The following DTNA variants were observed in gnomAD, a reference collection of about 807,000 sequenced individuals.
The protein encoded by DTNA is dystrobrevin alpha.
Under a neutral mutation model 100.7 loss-of-function variants are expected in DTNA, and 43 were observed. The ratio of observed to expected loss-of-function variants is 0.43; its 90% CI spans 0.33 to 0.55. DTNA has a LOEUF of 0.55. DTNA is among the 20% of genes least tolerant of loss of function. The pLI is 0.04. For synonymous variants in DTNA, 349 were observed against 347.9 expected (o/e 1.00, Z -0.04); for missense variants, 798 against 953.9 (o/e 0.84, Z 2.15).
At chr18:34,554,586 G>T (rs1280579295) in intron 1 of DTNA, among the ~76,000 whole-genome samples, 29 of 139,452 alleles carry the variant, frequency 2.1e-4, no homozygotes, top group African/African-American at 8.8e-4. Context: ...TAGCATGAAG[G>T]GTTGTTGAAT....
chr18:34,653,908 A>G (rs1396287371), intron 1 of DTNA, among the ~76,000 whole-genome samples: 3 of 152,228 alleles, frequency 2.0e-5, no homozygotes, highest in African/African-American at 7.2e-5. Context: ...TTGGAGACTC[A>G]CAATACAGTA....
intron 1 of DTNA, among the ~76,000 whole-genome samples, chr18:34,498,889 T>C (rs764616644): frequency 8.5e-5 from 13 of 152,222 alleles, no homozygotes; most frequent in Non-Finnish European, 1.3e-4. Flanking sequence ...AATTAGAATA[T>C]ATTCAATCAA....
In DTNA at chr18:34,827,644, T is replaced by C. The variant is rs1402541292; in HGVS notation, c.1053T>C (p.Val351=). The change falls in exon 10 of 23, where the codon GTT becomes GTC. Residue 351 remains valine (V), a synonymous_variant. Coordinates refer to ENST00000444659, the MANE Select transcript of DTNA (RefSeq NM_001386795.1). ...SMNDTLFSHS[V]PSSGSPFITR... Reference sequence around the variant, plus strand: ...ACGACACCCTGTTCTCCCACTCTGTTCCCTCCTCAGGAAGTCCTTTTATTA... The same window carrying C: ...ACGACACCCTGTTCTCCCACTCTGTCCCCTCCTCAGGAAGTCCTTTTATTA... 1 of 1,613,830 alleles carries C rather than the reference T, an allele frequency of 6.2e-7. No homozygotes were observed. The highest frequency in any genetic ancestry group is 8.5e-7 in the Non-Finnish European group (1 of 1,179,860).
intron 1 of DTNA, among the ~76,000 whole-genome samples, chr18:34,601,993 T>A (rs2051957769): frequency 6.6e-6 from 1 of 152,232 alleles, no homozygotes; most frequent in Admixed American, 6.5e-5. Context: ...ACAATTCTAA[T>A]CCTCAGCCCC....
At chr18:34,753,757 C>T (rs1420331471) in intron 1 of DTNA, among the ~76,000 whole-genome samples, 3 of 152,160 alleles carry the variant, frequency 2.0e-5, no homozygotes, top group Admixed American at 2.0e-4. Flanking sequence ...GTTCTATCCT[C>T]TATCTCTCTT....
intron 1 of DTNA, among the ~76,000 whole-genome samples, chr18:34,521,495 A>G (rs2145223623): frequency 6.6e-6 from 1 of 152,276 alleles, no homozygotes; most frequent in Non-Finnish European, 1.5e-5. Flanking sequence ...ATGTCCCATC[A>G]CACTTAGGTT....
intron 1 of DTNA, among the ~76,000 whole-genome samples, chr18:34,587,603 C>T (rs1567958908): frequency 6.6e-6 from 1 of 152,092 alleles, no homozygotes; most frequent in Non-Finnish European, 1.5e-5. Flanking sequence ...AAGTTGACAA[C>T]AACTCTTTGA....
intron 1 of DTNA, among the ~76,000 whole-genome samples, chr18:34,588,442 C>T (rs573920625): frequency 2.0e-5 from 3 of 152,274 alleles, no homozygotes; most frequent in African/African-American, 7.2e-5. Flanking sequence ...CTCTCGTTCT[C>T]ACCATCTTAA....
At chr18:34,650,388 TGTGA>T (rs1390558834) in intron 1 of DTNA, among the ~76,000 whole-genome samples, 5 of 152,006 alleles carry the variant, frequency 3.3e-5, no homozygotes, top group Admixed American at 6.6e-5. Flanking sequence ...AATATGTGAG[TGTGA>T]GTGTGTGTGT....
rs183789077 is a variant in DTNA, at chr18:34,616,178, G to T, written c.-2+122664G>T. Among the ~76,000 whole-genome samples, 3 of 152,246 alleles carry T rather than the reference G, an allele frequency of 2.0e-5. No homozygotes were observed. In the East Asian group the frequency reaches 5.8e-4, roughly 29 times the overall value. ...GAAGTTGCCAAACTGTTTTCCACAT[G>T]GCTGAATTAATTTACATTTCCACTA... On this transcript the variant is annotated intron_variant, in intron 1 of 19. Transcript: ENST00000283365.
intron 4 of DTNA, among the ~76,000 whole-genome samples, chr18:34,800,222 G>A (rs754362042): frequency 6.6e-6 from 1 of 152,198 alleles, no homozygotes; most frequent in Non-Finnish European, 1.5e-5. Flanking sequence ...CATATGTAAA[G>A]AGCTTGCTAT....
intron 1 of DTNA, among the ~76,000 whole-genome samples, chr18:34,637,245 T>A (rs1008484139): frequency 6.6e-6 from 1 of 152,216 alleles, no homozygotes; most frequent in Non-Finnish European, 1.5e-5. Flanking sequence ...GGCCAGTCTG[T>A]TGCTGTCAGT....
intron 1 of DTNA, among the ~76,000 whole-genome samples, chr18:34,555,829 G>A (rs1042876139): frequency 1.3e-5 from 2 of 152,102 alleles, no homozygotes; most frequent in Non-Finnish European, 2.9e-5. Flanking sequence ...GTGTGGTGCT[G>A]AAAAAAATGT....
In DTNA at chr18:34,533,035, T is replaced by G. The variant is rs77692111; in HGVS notation, c.-2+39521T>G. On this transcript the variant is annotated intron_variant, in intron 1 of 19. Transcript: ENST00000283365. ...TGTTGGCGAAATAATTTAGAAGACT[T>G]TGGGAGATGTCAAAAGTAGACTCAC... is the stretch of plus-strand genomic sequence containing the variant. Among the ~76,000 whole-genome samples, 537 of 151,916 alleles carry G rather than the reference T, an allele frequency of 3.5e-3. 5 individuals carry two copies. The highest frequency in any genetic ancestry group is 0.012 in the African/African-American group (513 of 41,446).
chr18:34,779,451 AT>A (rs1427974262), intron 3 of DTNA, among the ~76,000 whole-genome samples: 1 of 152,174 alleles, frequency 6.6e-6, no homozygotes, highest in Non-Finnish European at 1.5e-5. Context: ...AGAGGTAGCT[AT>A]TTGATAACTT....
chr18:34,873,435 T>G (rs1483429636), intron 17 of DTNA, among the ~76,000 whole-genome samples: 1 of 152,192 alleles, frequency 6.6e-6, no homozygotes, highest in East Asian at 1.9e-4. Flanking sequence ...CAAGAGGAAT[T>G]GCCAAAGTAG....
intron 1 of DTNA, among the ~76,000 whole-genome samples, chr18:34,550,020 A>G (rs2045232462): frequency 6.6e-6 from 1 of 152,086 alleles, no homozygotes; most frequent in Non-Finnish European, 1.5e-5. Flanking sequence ...TATTAAAGAA[A>G]TGTTTGAAAT....
rs2096577207 is a variant in DTNA at position 34,858,372 on chromosome 18, C to A, written c.1620C>A (p.Thr540=). The change falls in exon 16 of 23, where the codon ACC becomes ACA. Residue 540 remains threonine (T), a synonymous_variant. Transcript: ENST00000444659. The stretch of plus-strand genomic sequence containing the variant: ...CAGAGAAGGCACAGCAAAACCCCAC[C>A]CTGCTGGCAGAACTCCGGCTCCTCA... The part of the protein sequence containing the change: ...PTPEKAQQNP[T]LLAELRLLRQ... 6.2e-7 allele frequency: 1 copy of A among 1,614,040 alleles called. No homozygotes were observed. The highest frequency in any genetic ancestry group is 1.3e-5 in the African/African-American group (1 of 74,918).
intron 1 of DTNA, chr18:34,558,150 C>G (rs2046290706): frequency 1.3e-5 from 2 of 153,056 alleles, no homozygotes; most frequent in African/African-American, 2.4e-5. Context: ...GTCTGTCACC[C>G]CTTTCTTTGA....
Sources: allele counts gnomAD v4.1 joint callset (sites outside exome capture counted in the v4.1 genomes callset), GRCh38; gene constraint gnomAD v4.1.1; transcripts MANE v1.5; gene names NCBI Gene and HGNC (gene_info 2026-07-23, HGNC 2026-07-21).